Variants in SGCZ observed in about 807,000 individuals in gnomAD.
SGCZ encodes sarcoglycan zeta.
In SGCZ, 40 loss-of-function variants were observed where a neutral mutation model predicts 41.3. That is an observed-to-expected ratio of 0.97 (90% CI 0.75 to 1.26). The LOEUF (loss-of-function observed/expected upper bound fraction) is 1.26. Ranked by LOEUF, SGCZ falls within the 50% of genes most tolerant of loss-of-function variation. SGCZ has a pLI of 0.00. For missense variants in SGCZ, 552 were observed against 369.8 expected (o/e 1.49, Z -4.04); for synonymous variants, 206 against 137.5 (o/e 1.50, Z -3.49).
At chr8:14,838,409 C>T (rs999467782) in intron 1 of SGCZ, among the ~76,000 whole-genome samples, 1 of 152,134 alleles carries the variant, frequency 6.6e-6, no homozygotes, top group African/African-American at 2.4e-5. Flanking sequence ...CATTGATATG[C>T]AAACTAACCA....
chr8:14,490,106 T>C (rs1801800921), intron 2 of SGCZ, among the ~76,000 whole-genome samples: 1 of 152,074 alleles, frequency 6.6e-6, no homozygotes, highest in African/African-American at 2.4e-5. Context: ...AACCTTGTGA[T>C]CCACCCGCCT....
At chr8:14,142,808 T>C (rs1243250314) in intron 5 of SGCZ, among the ~76,000 whole-genome samples, 1 of 151,888 alleles carries the variant, frequency 6.6e-6, no homozygotes, top group Non-Finnish European at 1.5e-5. Flanking sequence ...TGAGATCTGG[T>C]TGTTTAAAAG....
intron 1 of SGCZ, among the ~76,000 whole-genome samples, chr8:15,196,239 C>A (rs190500842): frequency 1.3e-5 from 2 of 152,292 alleles, no homozygotes; most frequent in Admixed American, 6.5e-5. Context: ...CAAATGCCAC[C>A]TTATAAATCA....
intron 1 of SGCZ, among the ~76,000 whole-genome samples, chr8:15,233,454 A>C (rs921974447): frequency 6.6e-6 from 1 of 151,838 alleles, no homozygotes; most frequent in African/African-American, 2.4e-5. Context: ...TTTTTTAATC[A>C]ATCTCTTGTT....
chr8:14,787,055 G>C (rs1296709454), intron 1 of SGCZ, among the ~76,000 whole-genome samples: 2 of 152,028 alleles, frequency 1.3e-5, no homozygotes, highest in African/African-American at 4.8e-5. Context: ...ATAATCTTGG[G>C]ACTGGGAATA....
At chr8:14,994,229 C>A (rs1802127781) in intron 1 of SGCZ, among the ~76,000 whole-genome samples, 1 of 152,198 alleles carries the variant, frequency 6.6e-6, no homozygotes, top group Non-Finnish European at 1.5e-5. Flanking sequence ...GAACCATGGG[C>A]ATCTTCATAT....
intron 2 of SGCZ, among the ~76,000 whole-genome samples, chr8:14,341,952 T>C (rs1333006918): frequency 6.6e-6 from 1 of 152,164 alleles, no homozygotes; most frequent in East Asian, 1.9e-4. Context: ...ACAGTAAATT[T>C]GTACCAGTAG....
intron 1 of SGCZ, among the ~76,000 whole-genome samples, chr8:15,096,104 G>A (rs1806335984): frequency 6.6e-6 from 1 of 151,966 alleles, no homozygotes; most frequent in South Asian, 2.1e-4. Flanking sequence ...TTGAGATGGA[G>A]TCTTGCCCTG....
intron 2 of SGCZ, among the ~76,000 whole-genome samples, chr8:14,551,597 TTATATATATTATA>T: frequency 2.7e-5 from 1 of 36,482 alleles, no homozygotes; most frequent in Non-Finnish European, 4.4e-5. Context: ...ATAATATATA[TTATATATATTATA>T]TATATACATA....
intron 1 of SGCZ, among the ~76,000 whole-genome samples, chr8:14,656,532 T>C: frequency 7.3e-6 from 1 of 137,746 alleles, no homozygotes; most frequent in Admixed American, 7.1e-5. Flanking sequence ...TTTTCTTTCT[T>C]TTTTCTTTCT....
In SGCZ at chr8:14,678,066, T is replaced by C. The variant is rs189125831; in HGVS notation, c.40-123140A>G. ...ATACAAAATGGATCACAAACTTAAATGGAAAACACAGAACTGTAAAATTTC... is the reference window on the plus strand; with the variant it reads ...ATACAAAATGGATCACAAACTTAAACGGAAAACACAGAACTGTAAAATTTC... On this transcript the variant is annotated intron_variant, in intron 1 of 7. Transcript: ENST00000382080. Among the ~76,000 whole-genome samples the C allele has an allele frequency of 2.2e-3, 336 of 152,174 alleles. 1 individual carries two copies. The highest frequency in any genetic ancestry group is 6.6e-3 in the African/African-American group (276 of 41,542).
chr8:14,286,675 A>G (rs1272140719), intron 3 of SGCZ, among the ~76,000 whole-genome samples: 2 of 152,104 alleles, frequency 1.3e-5, no homozygotes, highest in African/African-American at 2.4e-5. Flanking sequence ...ACATTTACCT[A>G]ATTGTATGTT....
chr8:15,168,071 CCT>C (rs144098198), intron 1 of SGCZ, among the ~76,000 whole-genome samples: 2,433 of 152,328 alleles, frequency 0.016, 54 homozygotes, highest in African/African-American at 0.055. Flanking sequence ...GACATCCTTT[CCT>C]CTCTCTTGTT....
At chr8:14,211,388 C>T (rs1021737022) in intron 4 of SGCZ, among the ~76,000 whole-genome samples, 3 of 152,160 alleles carry the variant, frequency 2.0e-5, no homozygotes, top group African/African-American at 7.2e-5. Flanking sequence ...ACCGTCCATA[C>T]TTCTCCACTT....
At chr8:14,437,816 T>C (rs1800136527) in intron 2 of SGCZ, among the ~76,000 whole-genome samples, 1 of 151,860 alleles carries the variant, frequency 6.6e-6, no homozygotes, top group South Asian at 2.1e-4. Flanking sequence ...TTCATGCATT[T>C]AATAAAAATT....
chr8:15,114,296 C>T (rs1385196336), intron 1 of SGCZ, among the ~76,000 whole-genome samples: 1 of 152,154 alleles, frequency 6.6e-6, no homozygotes, highest in African/African-American at 2.4e-5. Flanking sequence ...TTACCAGCTG[C>T]ATAACCTCAA....
chr8:14,628,690 C>T (rs1007891325), intron 1 of SGCZ, among the ~76,000 whole-genome samples: 4 of 151,970 alleles, frequency 2.6e-5, no homozygotes, highest in Admixed American at 6.6e-5. Context: ...AATATTTACT[C>T]GTCTAATATC....
At chr8:14,520,459 T>C (rs1182135114) in intron 2 of SGCZ, among the ~76,000 whole-genome samples, 1 of 152,164 alleles carries the variant, frequency 6.6e-6, no homozygotes, top group Non-Finnish European at 1.5e-5. Context: ...ACCAATGCTT[T>C]AGCATATCTC....
chr8:14,118,623 T>C (rs1277356898), intron 5 of SGCZ, among the ~76,000 whole-genome samples: 1 of 152,210 alleles, frequency 6.6e-6, no homozygotes, highest in Non-Finnish European at 1.5e-5. Flanking sequence ...GTTTTAGTCA[T>C]GAGGTCTTTG....
Sources: allele counts gnomAD v4.1 joint callset (sites outside exome capture counted in the v4.1 genomes callset), GRCh38; gene constraint gnomAD v4.1.1; transcripts MANE v1.5; gene names NCBI Gene and HGNC (gene_info 2026-07-23, HGNC 2026-07-21).